DENND3: variants seen among roughly 807,000 people sequenced by gnomAD.
The protein encoded by DENND3 is DENN domain-containing protein 3.
In DENND3, 88 loss-of-function variants were observed where a neutral mutation model predicts 135.1. The ratio of observed to expected loss-of-function variants is 0.65; its 90% CI spans 0.55 to 0.78. DENND3 has a LOEUF of 0.78. Ranked by LOEUF, DENND3 falls within the 30% of genes least tolerant of loss-of-function variation. DENND3 has a pLI of 0.00. For synonymous variants in DENND3, 693 were observed against 712.3 expected (o/e 0.97, Z 0.43); for missense variants, 1,392 against 1,688.4 (o/e 0.82, Z 3.08).
intron 16 of DENND3, among the ~76,000 whole-genome samples, chr8:141,179,133 A>G (rs1023558938): frequency 6.6e-6 from 1 of 152,218 alleles, no homozygotes; most frequent in African/African-American, 2.4e-5. Context: ...CACCAACTGC[A>G]GGACCTCTGC....
rs1321018168 is a variant in DENND3, at chr8:141,154,315, A to G, written c.1075-1534A>G. 1.3e-5 allele frequency among the ~76,000 whole-genome samples: 2 copies of G among 152,190 alleles called. No individual in the cohort carries two copies. Among genetic ancestry groups the G allele is most frequent in the Non-Finnish European group, 2.9e-5 (2 of 68,034 alleles). On this transcript the variant is annotated intron_variant, in intron 7 of 22. Transcript: ENST00000519811. The surrounding 1 kb of genome is among the most constrained non-coding windows in gnomAD (Gnocchi z 4.4). ...TCTGTCACAGGAGCCTCTCCAAGTCATCATGTGCATATCTCAAATATTCCA... is the reference window on the plus strand; with the variant it reads ...TCTGTCACAGGAGCCTCTCCAAGTCGTCATGTGCATATCTCAAATATTCCA...
rs777532651 is a variant in DENND3 at position 141,144,186 on chromosome 8, T to C, written c.662T>C (p.Val221Ala). ...ALLKPCKDFE[V>A]DSHIKDFAAK... ...CTGAAGCCCTGTAAAGATTTTGAAG[T>C]GGACAGTCATATAAAAGATTTCGCT... Residue 221 changes from valine to alanine, a missense_variant, in exon 5 of 23, where the codon GTG becomes GCG. Coordinates refer to ENST00000519811, the MANE Select transcript of DENND3 (RefSeq NM_001352890.3). This position sits in a 1 kb window ranked among gnomAD's most constrained non-coding sequence, Gnocchi z 4.4. The C allele has an allele frequency of 3.6e-5, 58 of 1,613,780 alleles. No individual in the cohort carries two copies. Among genetic ancestry groups the C allele is most frequent in the Non-Finnish European group, 4.5e-5 (53 of 1,179,980 alleles).
rs2154613354 is a variant in DENND3, at chr8:141,177,896, T to A, written c.2707-171T>A. 6.2e-6 allele frequency: 5 copies of A among 810,672 alleles called. No homozygotes were observed. The South Asian group carries it at 1.2e-4, about 20-fold the overall frequency. The allele number at this position is 810,672 out of a possible 1,614,324, so 50.2% of individuals were successfully genotyped here. ...ATAAACAATCAATATTTGTCTTAAG[T>A]AAGAGAAGAAATATATGACATAAAA... On this transcript the variant is annotated intron_variant, in intron 15 of 22. Coordinates refer to ENST00000519811, the MANE Select transcript of DENND3 (RefSeq NM_001352890.3).
At position 141,136,802 on chromosome 8, in the gene DENND3, G is replaced by A; in HGVS notation, c.385+11G>A. The A allele has an allele frequency of 6.4e-7, 1 of 1,552,848 alleles. No individual in the cohort carries two copies. The highest frequency in any genetic ancestry group is 8.7e-7 in the Non-Finnish European group (1 of 1,150,648). ...AGCTGTGCTTCCCAGGTATGTCTAG[G>A]AGGTGGGCACCACTGGGCGCCTCCT... is the stretch of plus-strand genomic sequence containing the variant. On this transcript the variant is annotated intron_variant, in intron 2 of 22. Coordinates refer to ENST00000519811, the MANE Select transcript of DENND3 (RefSeq NM_001352890.3).
At position 141,176,624 on chromosome 8, in the gene DENND3, C is replaced by G; in HGVS notation, c.2569C>G (p.Arg857Gly). 6 of 1,614,240 alleles carry G rather than the reference C, an allele frequency of 3.7e-6. No homozygotes were observed. Among genetic ancestry groups the G allele is most frequent in the Non-Finnish European group, 4.2e-6 (5 of 1,180,042 alleles). The change falls in exon 15 of 23, where the codon CGG (arginine) becomes GGG (glycine). Residue 857 changes from arginine (R) to glycine (G), a missense_variant. Transcript: ENST00000519811. ...GAGAACCACTACTACATTTCTACTTCGGAGAATACCCACTTTAAAAATCAG... is the reference window on the plus strand; with the variant it reads ...GAGAACCACTACTACATTTCTACTTGGGAGAATACCCACTTTAAAAATCAG... ...VRRTTTTFLL[R>G]RIPTLKIRVA...
intron 11 of DENND3, among the ~76,000 whole-genome samples, chr8:141,165,675 G>T (rs1236018322): frequency 6.6e-6 from 1 of 152,078 alleles, no homozygotes; most frequent in African/African-American, 2.4e-5. Flanking sequence ...TGTTGGCCAG[G>T]CTGGTCTTGA....
chr8:141,192,104 C>T (rs895103175), intron 20 of DENND3: 1 of 481,670 alleles, frequency 2.1e-6, no homozygotes, highest in South Asian at 3.7e-5. Flanking sequence ...AAGAAACTGC[C>T]CATATATTTA....
rs1815549021 is a variant in DENND3, at chr8:141,128,981, C to G, written c.102+172C>G. Among the ~76,000 whole-genome samples, 1 of 152,216 alleles carries G rather than the reference C, an allele frequency of 6.6e-6. No homozygotes were observed. ...TGTGGCCGGGGATCGCGCCCGAGCT[C>G]AGGCAGGTGCCCTGGAGCAGCGCCC... On this transcript the variant is annotated intron_variant, in intron 1 of 22. Coordinates refer to ENST00000519811, the MANE Select transcript of DENND3 (RefSeq NM_001352890.3). The surrounding 1 kb of genome is among the most constrained non-coding windows in gnomAD (Gnocchi z 4.5).
At chr8:141,161,231 G>A (rs1820097154) in intron 9 of DENND3, among the ~76,000 whole-genome samples, 1 of 152,214 alleles carries the variant, frequency 6.6e-6, no homozygotes, top group African/African-American at 2.4e-5. Context: ...TGTCCCGAGA[G>A]GCCTGCATCC....
chr8:141,132,783 G>A (rs920716414), intron 1 of DENND3, among the ~76,000 whole-genome samples: 1 of 152,166 alleles, frequency 6.6e-6, no homozygotes, highest in Non-Finnish European at 1.5e-5. Flanking sequence ...CGGATCTGGG[G>A]CACATCATTA....
At chr8:141,140,408 G>GTCAT (rs1321642431) in intron 3 of DENND3, among the ~76,000 whole-genome samples, 1 of 152,194 alleles carries the variant, frequency 6.6e-6, no homozygotes. Flanking sequence ...ACTTTGTGTA[G>GTCAT]TCATTCATTT....
intron 13 of DENND3, among the ~76,000 whole-genome samples, chr8:141,170,380 TATGA>T (rs1396130936): frequency 2.0e-5 from 3 of 152,062 alleles, no homozygotes; most frequent in Admixed American, 1.3e-4. Flanking sequence ...TATGTGTGTA[TATGA>T]ATGTGTGTGG....
At chr8:141,163,184 G>A (rs147296754) in intron 9 of DENND3, 149 bp from the exon 10 acceptor site, 4 of 521,618 alleles carry the variant, frequency 7.7e-6, no homozygotes, top group South Asian at 5.8e-5. Flanking sequence ...CATCCACATC[G>A]TATCATTTTG....
At chr8:141,178,629 G>A (rs995287425) in intron 16 of DENND3, among the ~76,000 whole-genome samples, 7 of 152,192 alleles carry the variant, frequency 4.6e-5, no homozygotes, top group Non-Finnish European at 8.8e-5. Context: ...AGCTGGGAAC[G>A]TCTACACAGC....
chr8:141,190,166 G>T, intron 19 of DENND3, 118 bp from the exon 20 acceptor site: 2 of 1,327,258 alleles, frequency 1.5e-6, no homozygotes, highest in Non-Finnish European at 2.0e-6. Context: ...ATGTTTGCAG[G>T]TTATCCGTGT....
intron 5 of DENND3, among the ~76,000 whole-genome samples, chr8:141,149,518 GAGGAACATCATTTACCTGCTTATTGC>G (rs1218277076): frequency 6.6e-6 from 1 of 152,246 alleles, no homozygotes; most frequent in Non-Finnish European, 1.5e-5. Context: ...TTAAAGTAAG[GAGGAACATCATTTACCTGCTTATTGC>G]AGTTCAGGGT....
rs76623434 is a variant in DENND3, at chr8:141,188,862, G to A, written c.3085-124G>A. The A allele has an allele frequency of 1.9e-3, 2,537 of 1,320,390 alleles. 41 individuals carry two copies. In the African/African-American group the frequency reaches 0.034, roughly 18 times the overall value. 81.8% of individuals were successfully genotyped at this position (1,320,390 alleles called of 1,614,324 possible). A position where few individuals can be genotyped will look rare whatever the true frequency, so the allele number is the denominator to read the frequency against. ...CCAGAGGCTCCCAGGACCCTGAGCC[G>A]GCGTGTCCCCTAGGAGCAGTGGTTC... On this transcript the variant is annotated intron_variant, in intron 18 of 22. Transcript: ENST00000519811.
chr8:141,187,723 A>C (rs574049427), intron 18 of DENND3, among the ~76,000 whole-genome samples: 3 of 152,260 alleles, frequency 2.0e-5, no homozygotes, highest in African/African-American at 7.2e-5. Context: ...CTGCTAAATC[A>C]TTTCCCCCCA....
rs1569555471 is a variant in DENND3, at chr8:141,145,836, TATATATATATA to T, written c.735+1578_735+1588del. ...ATATATATATATATATATATATATATATATATATATATATGTATTTTTTTTTTTTTGAGGCG... is the reference window on the plus strand; with the variant it reads ...ATATATATATATATATATATATATATTATGTATTTTTTTTTTTTTGAGGCG... On this transcript the variant is annotated intron_variant, in intron 5 of 22. Transcript: ENST00000519811. 2.1e-4 allele frequency among the ~76,000 whole-genome samples: 17 copies of T among 82,190 alleles called. 1 individual carries two copies. The highest frequency in any genetic ancestry group is 1.5e-3 in the African/African-American group (17 of 11,162). The allele number at this position is 82,190 out of a possible 152,430, so 53.9% of individuals were successfully genotyped here.
Sources: allele counts gnomAD v4.1 joint callset (sites outside exome capture counted in the v4.1 genomes callset), GRCh38; gene constraint gnomAD v4.1.1; non-coding constraint Gnocchi (gnomAD v3.1); transcripts MANE v1.5; gene names NCBI Gene and HGNC (gene_info 2026-07-23, HGNC 2026-07-21).